DRC9: variants seen among roughly 807,000 people sequenced by gnomAD.
The protein encoded by DRC9 is dynein regulatory complex subunit 9.
chr3:197,951,977 C>T, the DRC9 span, among the ~76,000 whole-genome samples: 7 of 151,974 alleles, frequency 4.6e-5, no homozygotes, highest in Non-Finnish European at 8.8e-5. Context: ...TTTAGAAGGA[C>T]GTTACTTCTG....
the DRC9 span, among the ~76,000 whole-genome samples, chr3:197,936,855 G>A: frequency 6.6e-6 from 1 of 152,054 alleles, no homozygotes; most frequent in African/African-American, 2.4e-5. Context: ...GAATGAAAAG[G>A]ACATGAAGCG....
the DRC9 span, among the ~76,000 whole-genome samples, chr3:197,942,786 G>C: frequency 2.6e-5 from 4 of 151,316 alleles, no homozygotes; most frequent in Admixed American, 2.6e-4. Context: ...GCGTGGTGGC[G>C]TAATCCCAGC....
the DRC9 span, among the ~76,000 whole-genome samples, chr3:197,941,252 TTCCCCC>T: frequency 2.6e-4 from 24 of 93,562 alleles, no homozygotes; most frequent in African/African-American, 9.7e-4. Flanking sequence ...CTGCCCTCCC[TTCCCCC>T]TCCCTCCCTT....
At chr3:197,948,734 T>C in the DRC9 span, among the ~76,000 whole-genome samples, 1 of 152,244 alleles carries the variant, frequency 6.6e-6, no homozygotes, top group Admixed American at 6.5e-5. Flanking sequence ...ATTTTAAAAG[T>C]GACTTATATA....
chr3:197,938,903 GT>G, the DRC9 span: 1 of 740,538 alleles, frequency 1.4e-6, no homozygotes, highest in South Asian at 1.8e-5. Flanking sequence ...CCAAGAAAAT[GT>G]GCCCCTTTCT....
chr3:197,951,180 T>C, the DRC9 span: 2 of 1,614,240 alleles, frequency 1.2e-6, no homozygotes, highest in Non-Finnish European at 8.5e-7. Flanking sequence ...AGGCCATTTT[T>C]GCTGGCTATA....
the DRC9 span, chr3:197,950,221 G>A: frequency 2.2e-3 from 2,652 of 1,231,352 alleles, 3 homozygotes; most frequent in South Asian, 2.9e-3. Context: ...CTCCTGTGGA[G>A]GTGAGTGAAG....
At chr3:197,955,485 A>C in the DRC9 span, among the ~76,000 whole-genome samples, 1 of 152,062 alleles carries the variant, frequency 6.6e-6, no homozygotes, top group African/African-American at 2.4e-5. Flanking sequence ...GATGGTCTCT[A>C]TCTCTTGACC....
At chr3:197,931,898 T>C in the DRC9 span, among the ~76,000 whole-genome samples, 1 of 152,142 alleles carries the variant, frequency 6.6e-6, no homozygotes, top group Non-Finnish European at 1.5e-5. Context: ...GTGCTGGGAT[T>C]ACAAGCGTGA....
At chr3:197,919,539 T>A in the DRC9 span, among the ~76,000 whole-genome samples, 1 of 152,370 alleles carries the variant, frequency 6.6e-6, no homozygotes, top group East Asian at 1.9e-4. Flanking sequence ...TGGGTTTTCA[T>A]GGCAGACCAA....
At chr3:197,895,974 CAA>C in the DRC9 span, among the ~76,000 whole-genome samples, 16 of 58,960 alleles carry the variant, frequency 2.7e-4, no homozygotes, top group Admixed American at 4.3e-4. Flanking sequence ...GACCCTGTCT[CAA>C]AAAAAAAAAA....
At chr3:197,937,255 CATT>C in the DRC9 span, among the ~76,000 whole-genome samples, 1 of 152,116 alleles carries the variant, frequency 6.6e-6, no homozygotes, top group South Asian at 2.1e-4. Context: ...GACAACAAAA[CATT>C]ATGAGACAAT....
At chr3:197,907,503 G>C in the DRC9 span, among the ~76,000 whole-genome samples, 2 of 152,336 alleles carry the variant, frequency 1.3e-5, no homozygotes, top group Admixed American at 1.3e-4. Flanking sequence ...AGCCTACCCT[G>C]TTGGATCTAA....
At chr3:197,933,762 G>T in the DRC9 span, among the ~76,000 whole-genome samples, 1 of 151,712 alleles carries the variant, frequency 6.6e-6, no homozygotes. Flanking sequence ...TTTATTATGT[G>T]TTTGTGTGTT....
chr3:197,954,706 C>G, the DRC9 span, among the ~76,000 whole-genome samples: 6 of 152,102 alleles, frequency 3.9e-5, no homozygotes, highest in Non-Finnish European at 8.8e-5. Flanking sequence ...TTTTGTTTCT[C>G]CATGTTGCCC....
the DRC9 span, among the ~76,000 whole-genome samples, chr3:197,890,359 T>C: frequency 6.6e-6 from 1 of 151,342 alleles, no homozygotes; most frequent in Non-Finnish European, 1.5e-5. Context: ...GAGCAGAGAT[T>C]GCGCCACTGC....
the DRC9 span, chr3:197,951,097 A>G: frequency 6.2e-7 from 1 of 1,611,312 alleles, no homozygotes; most frequent in Admixed American, 1.7e-5. Context: ...GGTGGGGGTG[A>G]TTACAAGTCA....
the DRC9 span, among the ~76,000 whole-genome samples, chr3:197,929,166 T>A: frequency 6.6e-6 from 1 of 152,206 alleles, no homozygotes; most frequent in Non-Finnish European, 1.5e-5. This position sits in a 1 kb window ranked among gnomAD's most constrained non-coding sequence, Gnocchi z 4.6. Flanking sequence ...AAAAACATTC[T>A]GCTTAATGGA....
chr3:197,946,061 C>T, the DRC9 span, among the ~76,000 whole-genome samples: 2 of 152,294 alleles, frequency 1.3e-5, no homozygotes, highest in African/African-American at 4.8e-5. Flanking sequence ...AATTAGGTCA[C>T]TCAATTCATC....
Sources: allele counts gnomAD v4.1 joint callset (sites outside exome capture counted in the v4.1 genomes callset), GRCh38; gene constraint gnomAD v4.1.1; non-coding constraint Gnocchi (gnomAD v3.1); transcripts MANE v1.5; gene names NCBI Gene and HGNC (gene_info 2026-07-23, HGNC 2026-07-21).